RPH3AL: variants seen among roughly 807,000 people sequenced by gnomAD.
RPH3AL encodes the protein rabphilin 3A like (without C2 domains).
A neutral mutation model predicts 43.1 loss-of-function variants in RPH3AL; 38 were observed. The observed-to-expected ratio is 0.88, with a 90% CI of 0.68 to 1.15. The LOEUF is 1.15. Among genes scored for constraint, RPH3AL ranks in the 50% most tolerant of loss-of-function variants. The pLI, the probability that RPH3AL is intolerant of heterozygous loss-of-function variation, is 0.00. For missense variants in RPH3AL, 462 were observed against 423.2 expected (o/e 1.09, Z -0.81); for synonymous variants, 189 against 176.3 (o/e 1.07, Z -0.57).
chr17:315,682 TG>T (rs2044037915), intron 5 of RPH3AL, among the ~76,000 whole-genome samples: 9 of 106,814 alleles, frequency 8.4e-5, no homozygotes, highest in East Asian at 3.6e-4. Flanking sequence ...GTAGTCCCTG[TG>T]ACCCCACCTC....
chr17:271,057 G>C (rs563441264), intron 6 of RPH3AL, among the ~76,000 whole-genome samples: 5 of 152,186 alleles, frequency 3.3e-5, no homozygotes, highest in East Asian at 1.9e-4. Context: ...TCTTGTTTTT[G>C]TCAGGTTTGT....
At chr17:242,606 T>C (rs1555537536) in intron 7 of RPH3AL, among the ~76,000 whole-genome samples, 93 of 119,492 alleles carry the variant, frequency 7.8e-4, no homozygotes, top group South Asian at 9.8e-4. Context: ...CCTCTATTGA[T>C]TACCCTTCCT....
intron 6 of RPH3AL, among the ~76,000 whole-genome samples, chr17:252,885 C>G (rs2041942566): frequency 6.6e-6 from 1 of 152,152 alleles, no homozygotes. Flanking sequence ...AGCATTTCAG[C>G]TTTGGGTTTT....
intron 5 of RPH3AL, among the ~76,000 whole-genome samples, chr17:311,655 T>C (rs769504893): frequency 3.3e-5 from 5 of 152,200 alleles, no homozygotes; most frequent in Non-Finnish European, 4.4e-5. Context: ...AAGAAAGACA[T>C]TTATACGAGT....
At chr17:226,296 C>T (rs74839387) in intron 7 of RPH3AL, among the ~76,000 whole-genome samples, 4,339 of 152,196 alleles carry the variant, frequency 0.029, 195 homozygotes, top group African/African-American at 0.1. Context: ...GCCAGGAAGC[C>T]GATGAGACAG....
At chr17:243,352 A>G (rs369999451) in intron 7 of RPH3AL, among the ~76,000 whole-genome samples, 37 of 95,924 alleles carry the variant, frequency 3.9e-4, no homozygotes, top group African/African-American at 6.0e-4. Context: ...TCTACTGATT[A>G]CCCTTCCTCT....
At position 236,209 on chromosome 17, in the gene RPH3AL, A is replaced by C. The variant is rs1043913824; in HGVS notation, c.613+10902T>G. Among the ~76,000 whole-genome samples, 4 of 152,232 alleles carry C rather than the reference A, an allele frequency of 2.6e-5. No individual in the cohort carries two copies. The East Asian group carries it at 7.7e-4, about 29-fold the overall frequency. ...ACAGCTCCTGACCCACAGGACCCCC[A>C]CTCTAATGTCCTACCTCTGGGCTTG... is the stretch of plus-strand genomic sequence containing the variant. On this transcript the variant is annotated intron_variant, in intron 7 of 9. Coordinates refer to ENST00000331302, the MANE Select transcript of RPH3AL (RefSeq NM_006987.4).
intron 6 of RPH3AL, 26 bp from the exon 7 acceptor site, chr17:247,311 G>T (rs768573146): frequency 4.5e-6 from 7 of 1,540,456 alleles, no homozygotes; most frequent in Non-Finnish European, 4.4e-6. Flanking sequence ...GAGCTGCTTG[G>T]GGCACAGGAC....
chr17:336,283 G>A (rs573037316), intron 1 of RPH3AL, among the ~76,000 whole-genome samples: 7 of 152,182 alleles, frequency 4.6e-5, no homozygotes, highest in Non-Finnish European at 8.8e-5. Context: ...CCTGTCAGGC[G>A]GCGCTGGGAG....
chr17:231,478 G>A (rs1030410231), intron 7 of RPH3AL, among the ~76,000 whole-genome samples: 12 of 152,246 alleles, frequency 7.9e-5, no homozygotes, highest in East Asian at 1.9e-4. Flanking sequence ...CACCTGTGAC[G>A]GACAGTTGGC....
rs773709134 is a variant in RPH3AL at position 274,633 on chromosome 17, C to A, written c.438+7135G>T. ...GGTCCCTCGTCCTCCCTGGTTCCGA[C>A]GGGCCAGGTCGCAGGAGAGTCAAAG... On this transcript the variant is annotated intron_variant, in intron 6 of 9. Transcript: ENST00000331302. This position sits in a 1 kb window ranked among gnomAD's most constrained non-coding sequence, Gnocchi z 4.7. Among the ~76,000 whole-genome samples the A allele has an allele frequency of 2.0e-5, 3 of 152,180 alleles. No individual in the cohort carries two copies. The highest frequency in any genetic ancestry group is 2.1e-4 in the South Asian group (1 of 4,824).
intron 1 of RPH3AL, among the ~76,000 whole-genome samples, chr17:351,177 G>A (rs139318116): frequency 3.7e-4 from 57 of 152,298 alleles, no homozygotes; most frequent in Non-Finnish European, 4.9e-4. Flanking sequence ...AGTAAGAGAT[G>A]TCCTGGGTGG....
intron 7 of RPH3AL, among the ~76,000 whole-genome samples, chr17:233,965 TCCCCGAGCAGGGAGCGGC>T (rs2041296698): frequency 3.3e-5 from 3 of 91,146 alleles, no homozygotes; most frequent in African/African-American, 1.1e-4. Context: ...CTGACCAACT[TCCCCGAGCAGGGAGCGGC>T]TACTTACCCT....
intron 5 of RPH3AL, among the ~76,000 whole-genome samples, chr17:300,841 G>T (rs1598046831): frequency 2.1e-5 from 3 of 140,984 alleles, no homozygotes; most frequent in Admixed American, 2.1e-4. Context: ...GGCTGGCCCA[G>T]CCTAGGCCTG....
At chr17:307,525 A>G (rs2043532702) in intron 5 of RPH3AL, among the ~76,000 whole-genome samples, 2 of 152,122 alleles carry the variant, frequency 1.3e-5, no homozygotes, top group African/African-American at 2.4e-5. Flanking sequence ...GACACCAACT[A>G]TGAGCTCCTG....
Position 250,335 on chromosome 17 carries a change from G to A in RPH3AL, c.439-3050C>T, listed in dbSNP as rs113563103. ...CTCAGAGCCTTTACCAAGCTCCGTC[G>A]CTGCGGGACCTCTCAGAGCCTTTAC... is the stretch of plus-strand genomic sequence containing the variant. On this transcript the variant is annotated intron_variant, in intron 6 of 9. Coordinates refer to ENST00000331302, the MANE Select transcript of RPH3AL (RefSeq NM_006987.4). Among the ~76,000 whole-genome samples, 9 of 112,310 alleles carry A rather than the reference G, an allele frequency of 8.0e-5. No homozygotes were observed. The South Asian group carries it at 1.3e-3, about 16-fold the overall frequency. The allele number at this position is 112,310 out of a possible 152,430, so 73.7% of individuals were successfully genotyped here.
chr17:219,238 C>T (rs1266534822), intron 8 of RPH3AL, among the ~76,000 whole-genome samples: 2 of 107,130 alleles, frequency 1.9e-5, no homozygotes, highest in South Asian at 3.4e-4. Flanking sequence ...CTTGATCTGT[C>T]GCCAGGCTGG....
intron 5 of RPH3AL, among the ~76,000 whole-genome samples, chr17:282,157 C>T (rs911703694): frequency 6.6e-6 from 1 of 152,210 alleles, no homozygotes; most frequent in African/African-American, 2.4e-5. Context: ...GGAAACAACA[C>T]AGACGCCCAA....
chr17:335,108 C>T (rs1461067974), intron 1 of RPH3AL, among the ~76,000 whole-genome samples: 2 of 152,236 alleles, frequency 1.3e-5, no homozygotes. Context: ...CATACCCGAG[C>T]TCCTGAGACC....
Sources: allele counts gnomAD v4.1 joint callset (sites outside exome capture counted in the v4.1 genomes callset), GRCh38; gene constraint gnomAD v4.1.1; non-coding constraint Gnocchi (gnomAD v3.1); transcripts MANE v1.5; gene names NCBI Gene and HGNC (gene_info 2026-07-23, HGNC 2026-07-21).